FKRP: variants seen among roughly 807,000 people sequenced by gnomAD.
The protein encoded by FKRP is fukutin related protein.
FKRP carries 25 observed loss-of-function variants against 30.6 expected under a neutral mutation model. The ratio of observed to expected loss-of-function variants is 0.82; its 90% CI spans 0.60 to 1.14. FKRP has a LOEUF of 1.14. FKRP is among the 50% of genes most tolerant of loss of function. The probability of loss-of-function intolerance (pLI) is 0.00; values close to 1 mark genes in which losing one functional copy is unlikely to be tolerated. For synonymous variants in FKRP, 358 were observed against 342.5 expected, an observed-to-expected ratio of 1.05 and a Z score of -0.50; for missense variants, 771 against 727.8, an observed-to-expected ratio of 1.06 and a Z score of -0.68.
chr19:46,758,499 G>A lies in FKRP; in HGVS notation c.*1561G>A, dbSNP rs2054969087. 6.0e-6 allele frequency: 1 copy of A among 166,404 alleles called. No homozygotes were observed. Among genetic ancestry groups the A allele is most frequent in the African/African-American group, 2.4e-5 (1 of 41,252 alleles). The allele number at this position is 166,404 out of a possible 1,614,324, so 10.3% of individuals were successfully genotyped here. A position where few individuals can be genotyped will look rare whatever the true frequency, so the allele number is the denominator to read the frequency against. On this transcript the variant is annotated 3_prime_UTR_variant, in exon 4 of 4. Coordinates refer to ENST00000318584, the MANE Select transcript of FKRP (RefSeq NM_024301.5). ...ATTTTAAAATTATGAATATGAATAG[G>A]GTTTTTTTTATGTTTCTTGCCTCAT...
At chr19:46,753,379 C>T (rs1599929141) in intron 3 of FKRP, among the ~76,000 whole-genome samples, 2 of 148,140 alleles carry the variant, frequency 1.4e-5, no homozygotes, top group Non-Finnish European at 3.0e-5. Flanking sequence ...ATCGCTTGAA[C>T]GCGGGAGGCA....
chr19:46,746,500 C>G (rs1370510889), intron 1 of FKRP: 2 of 854,914 alleles, frequency 2.3e-6, no homozygotes, highest in Middle Eastern at 5.9e-4. Flanking sequence ...AACACCCCCC[C>G]CCCTCCCCCG....
rs1348526409 is a variant in FKRP at position 46,755,496 on chromosome 19, C to T, written c.46C>T (p.Leu16Phe). 1 of 1,610,946 alleles carries T rather than the reference C, an allele frequency of 6.2e-7. No homozygotes were observed. Residue 16 changes from leucine (L) to phenylalanine (F), a missense_variant, in exon 4 of 4, where the codon CTC (leucine) becomes TTC (phenylalanine). By Grantham distance (22) the Leu-to-Phe change is conservative (BLOSUM62 0). Transcript: ENST00000318584. ...CQAALAAAIT[L>F]NLLVLFYVSW... ...GGCTGCCCTGGCGGCCGCCATCACC[C>T]TCAACCTTCTGGTCCTCTTCTATGT...
chr19:46,751,252 T>C (rs2054786055), intron 3 of FKRP, among the ~76,000 whole-genome samples: 1 of 152,044 alleles, frequency 6.6e-6, no homozygotes, highest in African/African-American at 2.4e-5. Context: ...TTTGTAGAGA[T>C]GGCATCTTAC....
intron 1 of FKRP, 103 bp downstream of exon 1, chr19:46,746,193 C>T: frequency 6.5e-7 from 1 of 1,539,506 alleles, no homozygotes; most frequent in South Asian, 1.2e-5. Flanking sequence ...TTCTCGGCTT[C>T]GAAGCGCGCC....
intron 3 of FKRP, among the ~76,000 whole-genome samples, chr19:46,753,327 CAT>C (rs67552087): frequency 6.7e-4 from 12 of 17,938 alleles, no homozygotes; most frequent in African/African-American, 5.5e-3. Context: ...TGTGGTGGCG[CAT>C]GCCTGTAATC....
At chr19:46,750,480 C>T (rs916049118) in intron 3 of FKRP, among the ~76,000 whole-genome samples, 3 of 152,192 alleles carry the variant, frequency 2.0e-5, no homozygotes, top group Non-Finnish European at 4.4e-5. Context: ...GAAGCGGAGA[C>T]CTCGGTTCTC....
At position 46,746,059 on chromosome 19, in the gene FKRP, T is replaced by C. The variant is rs2054590626; in HGVS notation, c.-284T>C. The C allele has an allele frequency of 2.2e-6, 2 of 928,322 alleles. No homozygotes were observed. Among genetic ancestry groups the C allele is most frequent in the Admixed American group, 5.4e-5 (1 of 18,364 alleles). The allele number at this position is 928,322 out of a possible 1,614,324, so 57.5% of individuals were successfully genotyped here. Reference sequence around the variant, plus strand: ...CCCCCGCCGGCCGTCCCGGCGGCCATTGCTCCAAGATGGCGGCGGCGGCGG... The same window carrying C: ...CCCCCGCCGGCCGTCCCGGCGGCCACTGCTCCAAGATGGCGGCGGCGGCGG... On this transcript the variant is annotated 5_prime_UTR_variant, in exon 1 of 4. Transcript: ENST00000318584.
Position 46,756,827 on chromosome 19 carries a change from G to T in FKRP, c.1377G>T (p.Ala459=), listed in dbSNP as rs770845177. The part of the protein sequence containing the change: ...LVPLPFAGFV[A]QAPNNYRRFL... ...CCCTGCCCTTTGCCGGCTTCGTGGC[G>T]CAGGCGCCTAACAACTACCGCCGCT... is the stretch of plus-strand genomic sequence containing the variant. The change falls in exon 4 of 4, where the codon GCG becomes GCT. Residue 459 remains alanine, a synonymous_variant. Coordinates refer to ENST00000318584, the MANE Select transcript of FKRP (RefSeq NM_024301.5). The surrounding 1 kb of genome is among the most constrained non-coding windows in gnomAD (Gnocchi z 6.6). The T allele has an allele frequency of 6.3e-7, 1 of 1,599,006 alleles. No individual in the cohort carries two copies. The highest frequency in any genetic ancestry group is 8.5e-7 in the Non-Finnish European group (1 of 1,173,318).
intron 3 of FKRP, among the ~76,000 whole-genome samples, chr19:46,753,263 C>T (rs891857764): frequency 2.0e-5 from 3 of 148,820 alleles, no homozygotes; most frequent in South Asian, 2.1e-4. Flanking sequence ...GTCAGGAGTT[C>T]GAGACCAGCC....
rs529285376 is a variant in FKRP at position 46,749,798 on chromosome 19, A to G, written c.-40+1133A>G. Among the ~76,000 whole-genome samples the G allele has an allele frequency of 9.3e-5, 14 of 150,982 alleles. No individual in the cohort carries two copies. In the South Asian group the frequency reaches 2.9e-3, roughly 32 times the overall value. On this transcript the variant is annotated intron_variant, in intron 3 of 3. Transcript: ENST00000318584. ...AGTGGCACAATCTCAACTCACTGCA[A>G]CCTCTGCCTCCTAGACTCAAGTAAT...
Position 46,757,900 on chromosome 19 carries a change from C to G in FKRP, c.*962C>G, listed in dbSNP as rs574792942. On this transcript the variant is annotated 3_prime_UTR_variant, in exon 4 of 4. Transcript: ENST00000318584. ...CCAGCCTCGGCAACATGCCAAGACC[C>G]CGTCTCTATTTTTAAAAAAGAAAAA... is the stretch of plus-strand genomic sequence containing the variant. 1.8e-5 allele frequency: 3 copies of G among 167,056 alleles called. No homozygotes were observed. The highest frequency in any genetic ancestry group is 7.2e-5 in the African/African-American group (3 of 41,458). The allele number at this position is 167,056 out of a possible 1,614,324, so 10.3% of individuals were successfully genotyped here. A position where few individuals can be genotyped will look rare whatever the true frequency, so the allele number is the denominator to read the frequency against.
chr19:46,751,317 A>G (rs1194960683), intron 3 of FKRP, among the ~76,000 whole-genome samples: 3 of 151,876 alleles, frequency 2.0e-5, no homozygotes, highest in Non-Finnish European at 2.9e-5. Flanking sequence ...GCCTACCTCA[A>G]TCTCCCAAAG....
At chr19:46,747,975 T>A (rs1270383020) in intron 1 of FKRP, 52 bp from the exon 2 acceptor site, 1 of 152,196 alleles carries the variant, frequency 6.6e-6, no homozygotes, top group East Asian at 1.9e-4. Flanking sequence ...GAAATTGTGC[T>A]CTATTGTACG....
intron 1 of FKRP, chr19:46,747,182 C>T (rs2054663139): frequency 6.6e-6 from 1 of 152,630 alleles, no homozygotes; most frequent in African/African-American, 2.4e-5. Flanking sequence ...CCGTCTTCCC[C>T]TTCCCATCGT....
At chr19:46,748,185 C>T (rs1424426850) in intron 2 of FKRP, 97 bp downstream of exon 2, 2 of 152,052 alleles carry the variant, frequency 1.3e-5, no homozygotes, top group Non-Finnish European at 2.9e-5. Flanking sequence ...CTTTTTCTTT[C>T]TTTCTTTTTT....
At position 46,758,151 on chromosome 19, in the gene FKRP, G is replaced by A. The variant is rs2054964469; in HGVS notation, c.*1213G>A. ...CAGCTGCTATTATTTTCATTACACAGATGAAAAAGCTGAGGCCAGAATCGT... is the reference window on the plus strand; with the variant it reads ...CAGCTGCTATTATTTTCATTACACAAATGAAAAAGCTGAGGCCAGAATCGT... On this transcript the variant is annotated 3_prime_UTR_variant, in exon 4 of 4. Transcript: ENST00000318584. 6.0e-6 allele frequency: 1 copy of A among 167,112 alleles called. No homozygotes were observed. Among genetic ancestry groups the A allele is most frequent in the African/African-American group, 2.4e-5 (1 of 41,462 alleles). The allele number at this position is 167,112 out of a possible 1,614,324, so 10.4% of individuals were successfully genotyped here. A position where few individuals can be genotyped will look rare whatever the true frequency, so the allele number is the denominator to read the frequency against.
chr19:46,757,952 C>T lies in FKRP; in HGVS notation c.*1014C>T, dbSNP rs1233023264. The T allele has an allele frequency of 1.2e-5, 2 of 167,202 alleles. No homozygotes were observed. The highest frequency in any genetic ancestry group is 2.9e-5 in the Non-Finnish European group (2 of 68,170). 10.4% of individuals were successfully genotyped at this position (167,202 alleles called of 1,614,324 possible). On this transcript the variant is annotated 3_prime_UTR_variant, in exon 4 of 4. Coordinates refer to ENST00000318584, the MANE Select transcript of FKRP (RefSeq NM_024301.5). ...AACCGACTTCTGAATCGCAGCTCCA[C>T]TCATGACTAATACCTCATTATTTCA...
chr19:46,756,877 G>A lies in FKRP; in HGVS notation c.1427G>A (p.Gly476Glu), dbSNP rs375326964. The change falls in exon 4 of 4, where the codon GGG (glycine) becomes GAG (glutamate). Residue 476 changes from glycine to glutamate, a missense_variant. Gly to Glu is a moderately conservative substitution (Grantham distance 98, BLOSUM62 -2). Coordinates refer to ENST00000318584, the MANE Select transcript of FKRP (RefSeq NM_024301.5). The surrounding 1 kb of genome is among the most constrained non-coding windows in gnomAD (Gnocchi z 6.6). The part of the protein sequence containing the change: ...RRFLELKFGP[G>E]VIENPQYPNP... Reference sequence around the variant, plus strand: ...TTCCTGGAGCTCAAGTTCGGGCCCGGGGTCATCGAGAACCCCCAGTACCCC... The same window carrying A: ...TTCCTGGAGCTCAAGTTCGGGCCCGAGGTCATCGAGAACCCCCAGTACCCC... 107 of 1,612,146 alleles carry A rather than the reference G, an allele frequency of 6.6e-5. No homozygotes were observed. The highest frequency in any genetic ancestry group is 8.9e-5 in the Non-Finnish European group (105 of 1,179,630).
Sources: gnomAD v4.1 joint callset for allele counts (sites outside exome capture counted in the v4.1 genomes callset) on GRCh38, gnomAD v4.1.1 for gene constraint, Gnocchi (gnomAD v3.1) non-coding constraint, MANE v1.5 for transcripts, NCBI Gene and HGNC (gene_info 2026-07-23, HGNC 2026-07-21) for gene names.